The following SEMA4D variants were observed in gnomAD, a reference collection of about 807,000 sequenced individuals.
SEMA4D encodes semaphorin-4D.
In SEMA4D, 22 loss-of-function variants were observed where a neutral mutation model predicts 74.8. That is an observed-to-expected ratio of 0.29 (90% CI 0.21 to 0.42). SEMA4D has a LOEUF of 0.42. Ranked by LOEUF, SEMA4D falls within the 10% of genes least tolerant of loss-of-function variation. The probability of loss-of-function intolerance (pLI) is 1.00; values close to 1 mark genes in which losing one functional copy is unlikely to be tolerated. For synonymous variants in SEMA4D, 445 were observed against 463.7 expected (o/e 0.96, Z 0.52); for missense variants, 937 against 1,118.4 (o/e 0.84, Z 2.31).
chr9:89,496,875 T>C (rs372083174), intron 1 of SEMA4D, among the ~76,000 whole-genome samples: 2 of 152,174 alleles, frequency 1.3e-5, no homozygotes, highest in South Asian at 2.1e-4. Context: ...CTGGTGGATT[T>C]GAAAAGACTC....
chr9:89,380,388 G>A lies in SEMA4D; in HGVS notation c.1663+667C>T, dbSNP rs534838678. On this transcript the variant is annotated intron_variant, in intron 15 of 15. Transcript: ENST00000422704. ...TCACTTTGTCACCCCAGGCTGGAGT[G>A]CAGTGGCATGATAAGCTCACTGAGC... 8.5e-5 allele frequency among the ~76,000 whole-genome samples: 13 copies of A among 152,300 alleles called. No homozygotes were observed. In the East Asian group the frequency reaches 1.9e-3, roughly 23 times the overall value.
At chr9:89,404,191 A>C (rs1391066662) in intron 3 of SEMA4D, among the ~76,000 whole-genome samples, 1 of 152,208 alleles carries the variant, frequency 6.6e-6, no homozygotes, top group East Asian at 1.9e-4. Flanking sequence ...AGGAAAGGAA[A>C]GTAGCTGGCA....
chr9:89,362,485 C>G (rs1832847677), intron 18 of SEMA4D: 2 of 1,613,756 alleles, frequency 1.2e-6, no homozygotes, highest in South Asian at 1.1e-5. Flanking sequence ...CTTTCCTGCT[C>G]TGCAGCCCAG....
At chr9:89,432,901 G>A (rs1040116900) in intron 2 of SEMA4D, among the ~76,000 whole-genome samples, 4 of 152,184 alleles carry the variant, frequency 2.6e-5, no homozygotes, top group African/African-American at 9.7e-5. Flanking sequence ...AAAGAGACGT[G>A]TACACTCATA....
chr9:89,395,224 A>C (rs1476606211), intron 6 of SEMA4D, among the ~76,000 whole-genome samples: 1 of 152,182 alleles, frequency 6.6e-6, no homozygotes, highest in African/African-American at 2.4e-5. Flanking sequence ...TCAGGAGTTC[A>C]AGACCAGCCT....
chr9:89,492,489 C>G lies in SEMA4D; in HGVS notation c.-310+5430G>C, dbSNP rs1351277141. 1.3e-5 allele frequency among the ~76,000 whole-genome samples: 2 copies of G among 152,160 alleles called. No individual in the cohort carries two copies. The highest frequency in any genetic ancestry group is 2.9e-5 in the Non-Finnish European group (2 of 68,026). ...TCCCAGCTCAGAGCACTCCCCCAAA[C>G]TCCAGATCCCTTCCTCCAACTTCCT... On this transcript the variant is annotated intron_variant, in intron 1 of 15. Transcript: ENST00000422704. The surrounding 1 kb of genome is among the most constrained non-coding windows in gnomAD (Gnocchi z 4.3).
intron 2 of SEMA4D, among the ~76,000 whole-genome samples, chr9:89,435,677 C>T (rs567732533): frequency 9.6e-4 from 146 of 152,324 alleles, no homozygotes; most frequent in Non-Finnish European, 1.8e-3. Flanking sequence ...GCCACACCCA[C>T]GGCTTTATGC....
chr9:89,423,284 C>A (rs994482786), intron 2 of SEMA4D, among the ~76,000 whole-genome samples: 1 of 151,768 alleles, frequency 6.6e-6, no homozygotes, highest in Non-Finnish European at 1.5e-5. Context: ...CTCCACCTTC[C>A]GGGTTCAAGT....
intron 1 of SEMA4D, among the ~76,000 whole-genome samples, chr9:89,490,718 C>T (rs1825562085): frequency 6.6e-6 from 1 of 152,138 alleles, no homozygotes; most frequent in East Asian, 1.9e-4. Flanking sequence ...GTAATCCCAT[C>T]ACAGGTCTAG....
intron 13 of SEMA4D, chr9:89,385,181 C>A (rs1838171837): frequency 1.1e-6 from 1 of 909,298 alleles, no homozygotes; most frequent in Admixed American, 6.2e-5. Flanking sequence ...CTTCCTACCC[C>A]CTTCTGCCTT....
Position 89,378,198 on chromosome 9 carries a change from A to G in SEMA4D, c.*506T>C, listed in dbSNP as rs1836170851. ...TAACTAAAAAAAAATGACCCATGAC[A>G]TAAACACAATCAAAGCAAAATCCTA... On this transcript the variant is annotated 3_prime_UTR_variant, in exon 16 of 16. Coordinates refer to ENST00000422704, the MANE Select transcript of SEMA4D (RefSeq NM_001371194.2). 6.5e-6 allele frequency: 1 copy of G among 154,366 alleles called. No individual in the cohort carries two copies. Among genetic ancestry groups the G allele is most frequent in the Non-Finnish European group, 1.4e-5 (1 of 69,322 alleles). The allele number at this position is 154,366 out of a possible 1,614,324, so 9.6% of individuals were successfully genotyped here.
At chr9:89,493,641 A>C (rs754623250) in intron 1 of SEMA4D, among the ~76,000 whole-genome samples, 5 of 152,272 alleles carry the variant, frequency 3.3e-5, no homozygotes, top group Non-Finnish European at 7.3e-5. Context: ...CTGCTCAAGC[A>C]ACTCTAATTT....
At chr9:89,476,289 TA>T (rs763796398) in intron 1 of SEMA4D, among the ~76,000 whole-genome samples, 1 of 152,182 alleles carries the variant, frequency 6.6e-6, no homozygotes, top group East Asian at 1.9e-4. Flanking sequence ...TTATAAAACA[TA>T]GCATGCCACG....
intron 1 of SEMA4D, among the ~76,000 whole-genome samples, chr9:89,469,130 A>ATTT (rs1859505131): frequency 1.3e-5 from 2 of 152,260 alleles, no homozygotes; most frequent in South Asian, 4.1e-4. Context: ...CCCCATAGAC[A>ATTT]TTAAAAAGGA....
At chr9:89,392,883 T>C (rs1472996734) in intron 7 of SEMA4D, among the ~76,000 whole-genome samples, 1 of 152,116 alleles carries the variant, frequency 6.6e-6, no homozygotes, top group Non-Finnish European at 1.5e-5. Flanking sequence ...CGCGCCACCA[T>C]GTCTGGCTAA....
At chr9:89,466,752 G>A (rs1222032181) in intron 1 of SEMA4D, among the ~76,000 whole-genome samples, 1 of 152,220 alleles carries the variant, frequency 6.6e-6, no homozygotes, top group South Asian at 2.1e-4. Context: ...TTTCCAGTGA[G>A]TTGTCCTTGT....
At chr9:89,401,669 A>G (rs1232579666) in intron 4 of SEMA4D, among the ~76,000 whole-genome samples, 3 of 152,148 alleles carry the variant, frequency 2.0e-5, no homozygotes, top group Non-Finnish European at 4.4e-5. Flanking sequence ...AAATCAATCA[A>G]AAAACTCACT....
intron 2 of SEMA4D, among the ~76,000 whole-genome samples, chr9:89,435,724 G>A (rs1442139756): frequency 3.9e-4 from 59 of 152,112 alleles, no homozygotes; most frequent in Admixed American, 3.8e-3. Context: ...CGCCCCACCC[G>A]GCCCCGACCA....
At chr9:89,443,076 T>A (rs9410483) in intron 2 of SEMA4D, among the ~76,000 whole-genome samples, 11 of 152,136 alleles carry the variant, frequency 7.2e-5, no homozygotes, top group Non-Finnish European at 7.4e-5. Flanking sequence ...GACTGAAGCC[T>A]CCCAGGAGGA....
Sources: allele counts gnomAD v4.1 joint callset (sites outside exome capture counted in the v4.1 genomes callset), GRCh38; gene constraint gnomAD v4.1.1; non-coding constraint Gnocchi (gnomAD v3.1); transcripts MANE v1.5; gene names NCBI Gene and HGNC (gene_info 2026-07-23, HGNC 2026-07-21).